PLGRKT: variants seen among roughly 807,000 people sequenced by gnomAD.
PLGRKT encodes plasminogen receptor (KT).
PLGRKT carries 22 observed loss-of-function variants against 18.5 expected under a neutral mutation model. The observed-to-expected ratio is 1.19, with a 90% confidence interval of 0.85 to 1.70. PLGRKT has a LOEUF of 1.70. Among genes scored for constraint, PLGRKT ranks in the 40% most tolerant of loss-of-function variants. The pLI is 0.00. For synonymous variants in PLGRKT, 72 were observed against 52.8 expected (o/e 1.36, Z -1.58); for missense variants, 235 against 174.4 (o/e 1.35, Z -1.96).
intron 1 of PLGRKT, 138 bp from the exon 2 acceptor site, chr9:5,436,832 G>A (rs1258012403): frequency 1.3e-5 from 2 of 152,148 alleles, no homozygotes; most frequent in Non-Finnish European, 2.9e-5. Flanking sequence ...AGGGTGTCCA[G>A]AACACTTTCA....
intron 3 of PLGRKT, among the ~76,000 whole-genome samples, chr9:5,375,617 TA>T (rs1474580825): frequency 3.9e-5 from 6 of 152,004 alleles, no homozygotes; most frequent in Admixed American, 3.9e-4. Flanking sequence ...ACATTAAAAA[TA>T]AAAAAATTGC....
chr9:5,403,618 G>T (rs1332297741), intron 3 of PLGRKT, among the ~76,000 whole-genome samples: 1 of 152,216 alleles, frequency 6.6e-6, no homozygotes, highest in Non-Finnish European at 1.5e-5. Flanking sequence ...TAAAGCACAA[G>T]AAAACAATAT....
intron 2 of PLGRKT, among the ~76,000 whole-genome samples, chr9:5,434,524 C>T (rs1177523420): frequency 1.3e-5 from 2 of 150,048 alleles, no homozygotes; most frequent in East Asian, 3.9e-4. Flanking sequence ...TGCCCGGCTG[C>T]TCTTTGTCTG....
chr9:5,421,382 T>A (rs560038444), intron 3 of PLGRKT, among the ~76,000 whole-genome samples: 3 of 152,212 alleles, frequency 2.0e-5, no homozygotes, highest in African/African-American at 7.2e-5. Context: ...CACCCACCCA[T>A]GGTCTCCCAT....
chr9:5,380,748 G>C (rs142185514), intron 3 of PLGRKT, among the ~76,000 whole-genome samples: 17 of 152,294 alleles, frequency 1.1e-4, no homozygotes, highest in Non-Finnish European at 2.4e-4. Context: ...TTGGTGCCTA[G>C]AAGAGTGCCT....
At chr9:5,359,053 C>G (rs1459746537) in intron 5 of PLGRKT, among the ~76,000 whole-genome samples, 2 of 142,044 alleles carry the variant, frequency 1.4e-5, no homozygotes, top group African/African-American at 5.5e-5. Flanking sequence ...CCTCTTTTAA[C>G]ACACTATTTT....
At chr9:5,369,199 A>G (rs1817462554) in intron 3 of PLGRKT, among the ~76,000 whole-genome samples, 2 of 152,226 alleles carry the variant, frequency 1.3e-5, no homozygotes, top group African/African-American at 2.4e-5. Flanking sequence ...AATTTTTGCA[A>G]TCTACTCCTC....
intron 4 of PLGRKT, 95 bp downstream of exon 4, chr9:5,361,663 C>G (rs886960967): frequency 8.0e-7 from 1 of 1,246,788 alleles, no homozygotes; most frequent in Non-Finnish European, 1.1e-6. Flanking sequence ...ACTATTTGGA[C>G]CAAAGTCTTA....
chr9:5,414,297 G>C (rs1481290050), intron 3 of PLGRKT, among the ~76,000 whole-genome samples: 1 of 152,108 alleles, frequency 6.6e-6, no homozygotes, highest in African/African-American at 2.4e-5. Flanking sequence ...CTCCCAAGTA[G>C]CTGGTATTAC....
intron 3 of PLGRKT, among the ~76,000 whole-genome samples, chr9:5,417,476 G>C (rs1233029425): frequency 6.6e-6 from 1 of 151,830 alleles, no homozygotes; most frequent in Non-Finnish European, 1.5e-5. Flanking sequence ...ATTTGGCAAT[G>C]GTTTCTCTGA....
At position 5,394,362 on chromosome 9, in the gene PLGRKT, A is replaced by C. The variant is rs557891755; in HGVS notation, c.82-32474T>G. ...AGGGAAATGAAGAACGAGGGAGAAA[A>C]CATGAACTGAATGGAACTTTCCATG... On this transcript the variant is annotated intron_variant, in intron 3 of 5. Coordinates refer to ENST00000223864, the MANE Select transcript of PLGRKT (RefSeq NM_018465.4). Among the ~76,000 whole-genome samples the C allele has an allele frequency of 2.0e-4, 30 of 151,984 alleles. 1 individual carries two copies. Among genetic ancestry groups the C allele is most frequent in the Middle Eastern group, 3.4e-3 (1 of 294 alleles).
At chr9:5,404,488 A>C (rs1818218542) in intron 3 of PLGRKT, among the ~76,000 whole-genome samples, 1 of 152,222 alleles carries the variant, frequency 6.6e-6, no homozygotes, top group African/African-American at 2.4e-5. Context: ...CAAATCAATA[A>C]ATGTGATTCA....
At chr9:5,434,889 T>A (rs1269367968) in intron 2 of PLGRKT, among the ~76,000 whole-genome samples, 1 of 151,112 alleles carries the variant, frequency 6.6e-6, no homozygotes, top group African/African-American at 2.4e-5. Context: ...GGGGGAAATG[T>A]GGGGAAAAGA....
At chr9:5,434,593 G>C (rs186896065) in intron 2 of PLGRKT, among the ~76,000 whole-genome samples, 2,171 of 147,666 alleles carry the variant, frequency 0.015, 91 homozygotes, top group African/African-American at 0.053. Flanking sequence ...CCTCTGCCTG[G>C]CCGCCCCCTC....
chr9:5,369,592 T>A (rs74180263), intron 3 of PLGRKT, among the ~76,000 whole-genome samples: 2 of 152,094 alleles, frequency 1.3e-5, no homozygotes, highest in South Asian at 2.1e-4. Context: ...CCATTACTGG[T>A]TATATACCCA....
chr9:5,395,287 A>C (rs1168725954), intron 3 of PLGRKT, among the ~76,000 whole-genome samples: 3 of 151,916 alleles, frequency 2.0e-5, no homozygotes, highest in African/African-American at 7.3e-5. Context: ...TTACTGATAT[A>C]TGCTGTAGAT....
At chr9:5,407,141 T>G (rs923579720) in intron 3 of PLGRKT, among the ~76,000 whole-genome samples, 1 of 152,186 alleles carries the variant, frequency 6.6e-6, no homozygotes, top group Non-Finnish European at 1.5e-5. Flanking sequence ...ATTCTATAAT[T>G]TGGCATCTAA....
At chr9:5,398,877 C>A (rs1417889896) in intron 3 of PLGRKT, among the ~76,000 whole-genome samples, 2 of 151,660 alleles carry the variant, frequency 1.3e-5, no homozygotes, top group African/African-American at 4.9e-5. Flanking sequence ...AAACTGAGAA[C>A]CAGTCAATGC....
At chr9:5,373,993 T>G (rs983748356) in intron 3 of PLGRKT, among the ~76,000 whole-genome samples, 1 of 152,162 alleles carries the variant, frequency 6.6e-6, no homozygotes, top group African/African-American at 2.4e-5. Flanking sequence ...TCCCCCAGAA[T>G]GTCCTTCTCA....
Sources: allele counts gnomAD v4.1 joint callset (sites outside exome capture counted in the v4.1 genomes callset), GRCh38; gene constraint gnomAD v4.1.1; transcripts MANE v1.5; gene names NCBI Gene and HGNC (gene_info 2026-07-23, HGNC 2026-07-21).